The following CD163L1 variants were observed in gnomAD, a reference collection of about 807,000 sequenced individuals.
CD163L1 encodes scavenger receptor cysteine-rich type 1 protein M160.
CD163L1 carries 124 observed loss-of-function variants against 165.4 expected under a neutral mutation model. That is an observed-to-expected ratio of 0.75 (90% CI 0.65 to 0.87). The LOEUF is 0.87. Ranked by LOEUF, CD163L1 falls within the 40% of genes least tolerant of loss-of-function variation. The pLI is 0.00. For synonymous variants in CD163L1, 585 were observed against 662.2 expected, an observed-to-expected ratio of 0.88 and a Z score of 1.79; for missense variants, 1,525 against 1,799.9, an observed-to-expected ratio of 0.85 and a Z score of 2.76.
At chr12:7,408,449 T>A (rs975254523) in intron 4 of CD163L1, among the ~76,000 whole-genome samples, 3 of 152,190 alleles carry the variant, frequency 2.0e-5, no homozygotes, top group Admixed American at 1.3e-4. Flanking sequence ...GCAATATTTT[T>A]AAACTATTTC....
chr12:7,326,081 T>C, the CD163L1 span, among the ~76,000 whole-genome samples: 1 of 152,256 alleles, frequency 6.6e-6, no homozygotes, highest in African/African-American at 2.4e-5. Flanking sequence ...TAAATTATGC[T>C]TACTAACCTC....
Position 7,368,258 on chromosome 12 carries a change from C to T in CD163L1, c.4073-61G>A, listed in dbSNP as rs1760218225. 1 of 939,536 alleles carries T rather than the reference C, an allele frequency of 1.1e-6. No homozygotes were observed. The highest frequency in any genetic ancestry group is 1.5e-5 in the South Asian group (1 of 64,932). 58.2% of individuals were successfully genotyped at this position (939,536 alleles called of 1,614,324 possible). On this transcript the variant is annotated intron_variant, in intron 16 of 19. Coordinates refer to ENST00000313599, the MANE Select transcript of CD163L1 (RefSeq NM_174941.6). This position sits in a 1 kb window ranked among gnomAD's most constrained non-coding sequence, Gnocchi z 4.3. Reference sequence around the variant, plus strand: ...AGTAGATATCAATTGTGGGTTTATACATTGTAAAAAAAACTGGTTCCCTAG... The same window carrying T: ...AGTAGATATCAATTGTGGGTTTATATATTGTAAAAAAAACTGGTTCCCTAG...
intron 8 of CD163L1, among the ~76,000 whole-genome samples, chr12:7,389,960 T>TTATATATATATATATATATATATTTATA (rs59235889): frequency 7.4e-5 from 10 of 135,938 alleles, no homozygotes; most frequent in African/African-American, 2.2e-4. Flanking sequence ...ATATATATAT[T>TTATATATATATATATATATATATTTATA]TATATATATA....
intron 4 of CD163L1, among the ~76,000 whole-genome samples, chr12:7,421,769 A>T (rs66711152): frequency 0.79 from 105,365 of 132,872 alleles, 38,994 homozygotes; most frequent in Admixed American, 0.84. Flanking sequence ...ATATATATAT[A>T]TTTTTTCTTC....
Position 7,432,502 on chromosome 12 carries a change from T to C in CD163L1, c.680A>G (p.Asn227Ser), listed in dbSNP as rs1211885556. ...IWLDDILCQG[N>S]ELALWNCRHR... ...TCTGCAATTCCAGAGTGCCAACTCA[T>C]TCCCCTGGCATAAAATGTCATCCAG... Residue 227 changes from asparagine (N) to serine (S), a missense_variant, in exon 4 of 20, where the codon AAT (asparagine) becomes AGT (serine). Transcript: ENST00000313599. This position sits in a 1 kb window ranked among gnomAD's most constrained non-coding sequence, Gnocchi z 4.2. The C allele has an allele frequency of 1.9e-6, 3 of 1,613,992 alleles. No homozygotes were observed. The South Asian group carries it at 3.3e-5, about 18-fold the overall frequency.
At chr12:7,438,083 G>C (rs1489574797) in intron 2 of CD163L1, among the ~76,000 whole-genome samples, 1 of 151,886 alleles carries the variant, frequency 6.6e-6, no homozygotes, top group African/African-American at 2.4e-5. Flanking sequence ...TTTATGTAGG[G>C]TTTTTCTTCT....
At chr12:7,425,800 G>T (rs1948530920) in intron 4 of CD163L1, among the ~76,000 whole-genome samples, 1 of 152,104 alleles carries the variant, frequency 6.6e-6, no homozygotes, top group Non-Finnish European at 1.5e-5. Flanking sequence ...AGTTAGAATG[G>T]CAATCATTAA....
chr12:7,327,755 T>C, the CD163L1 span, among the ~76,000 whole-genome samples: 1 of 152,172 alleles, frequency 6.6e-6, no homozygotes, highest in Admixed American at 6.6e-5. Flanking sequence ...CTAAAGTCAC[T>C]AAATCAGTGA....
chr12:7,416,179 T>C (rs1383140092), intron 4 of CD163L1, among the ~76,000 whole-genome samples: 5 of 152,174 alleles, frequency 3.3e-5, no homozygotes, highest in Non-Finnish European at 2.9e-5. Context: ...CGACCAGTGA[T>C]GATGAGCTTT....
intron 4 of CD163L1, among the ~76,000 whole-genome samples, chr12:7,415,587 C>G (rs1348876940): frequency 6.6e-6 from 1 of 152,084 alleles, no homozygotes; most frequent in Non-Finnish European, 1.5e-5. Flanking sequence ...CCCCCCCAAC[C>G]CCCAACAGGC....
intron 8 of CD163L1, among the ~76,000 whole-genome samples, chr12:7,395,669 C>G (rs1172903584): frequency 6.6e-6 from 1 of 152,128 alleles, no homozygotes; most frequent in Non-Finnish European, 1.5e-5. Flanking sequence ...TTGGATTTAT[C>G]TTACATAAAT....
At chr12:7,329,147 C>CAT in the CD163L1 span, among the ~76,000 whole-genome samples, 1 of 147,482 alleles carries the variant, frequency 6.8e-6, no homozygotes, top group Non-Finnish European at 1.5e-5. Flanking sequence ...TATACATATA[C>CAT]ATATATATAC....
chr12:7,335,732 T>C, the CD163L1 span, among the ~76,000 whole-genome samples: 1 of 152,180 alleles, frequency 6.6e-6, no homozygotes. Flanking sequence ...ACCTATAGAA[T>C]GGGAGAAAAT....
chr12:7,379,756 A>G (rs1213636719), intron 8 of CD163L1, among the ~76,000 whole-genome samples: 1 of 152,178 alleles, frequency 6.6e-6, no homozygotes, highest in Non-Finnish European at 1.5e-5. Context: ...AATCCAGAAA[A>G]ATGGAGAAAC....
the CD163L1 span, chr12:7,328,322 T>A: frequency 9.1e-3 from 14,559 of 1,594,902 alleles, 84 homozygotes; most frequent in Non-Finnish European, 0.01. Flanking sequence ...AGACAATCAC[T>A]GGGAAAATCA....
chr12:7,356,026 A>G (rs1401575805), intron 19 of CD163L1, among the ~76,000 whole-genome samples: 1 of 152,088 alleles, frequency 6.6e-6, no homozygotes, highest in Non-Finnish European at 1.5e-5. Context: ...CTAATATAGA[A>G]CCCTAATTTC....
chr12:7,439,819 T>C lies in CD163L1; in HGVS notation c.124+1335A>G, dbSNP rs1016262021. The C allele has an allele frequency of 2.5e-6, 4 of 1,613,614 alleles. No individual in the cohort carries two copies. The South Asian group carries it at 4.4e-5, about 18-fold the overall frequency. ...CAGGATCTTCTCCACCTCGAACACA[T>C]CCTCTCCGTCCTCCTCACTGTCGCC... On this transcript the variant is annotated intron_variant, in intron 2 of 19. Coordinates refer to ENST00000313599, the MANE Select transcript of CD163L1 (RefSeq NM_174941.6).
In CD163L1 at chr12:7,406,751, T is replaced by G; in HGVS notation, c.868A>C (p.Lys290Gln). Residue 290 changes from lysine (K) to glutamine (Q), a missense_variant, in exon 5 of 20, where the codon AAG becomes CAG. By Grantham distance (53) the Lys-to-Gln change is moderately conservative. Coordinates refer to ENST00000313599, the MANE Select transcript of CD163L1 (RefSeq NM_174941.6). ...QGRWGTVCHH[K>Q]WNNAAADVVC... is the part of the protein sequence containing the mutation. The stretch of plus-strand genomic sequence containing the variant: ...ACATCAGCTGCAGCATTGTTCCACT[T>G]ATGGTGGCATACGGTCCCCCACCTT... 6.2e-7 allele frequency: 1 copy of G among 1,614,042 alleles called. No individual in the cohort carries two copies. The highest frequency in any genetic ancestry group is 2.2e-5 in the East Asian group (1 of 44,868).
At chr12:7,363,011 T>C (rs1029169810) in intron 18 of CD163L1, among the ~76,000 whole-genome samples, 8 of 151,886 alleles carry the variant, frequency 5.3e-5, no homozygotes, top group South Asian at 2.1e-4. Context: ...TACTGAAATA[T>C]ATGGGATACA....
Sources: gnomAD v4.1 joint callset for allele counts (sites outside exome capture counted in the v4.1 genomes callset) on GRCh38, gnomAD v4.1.1 for gene constraint, Gnocchi (gnomAD v3.1) non-coding constraint, MANE v1.5 for transcripts, NCBI Gene and HGNC (gene_info 2026-07-23, HGNC 2026-07-21) for gene names.